The following GPR63 variants were observed in gnomAD, a reference collection of about 807,000 sequenced individuals.
GPR63 encodes probable G protein-coupled receptor 63.
Under a neutral mutation model 23.1 loss-of-function variants are expected in GPR63, and 12 were observed. The ratio of observed to expected loss-of-function variants is 0.52; its 90% CI spans 0.33 to 0.84. The LOEUF is 0.84. Ranked by LOEUF, GPR63 falls within the 40% of genes least tolerant of loss-of-function variation. The pLI is 0.02. For synonymous variants in GPR63, 172 were observed against 191.1 expected (o/e 0.90, Z 0.82); for missense variants, 472 against 515.6 (o/e 0.92, Z 0.82).
intron 1 of GPR63, among the ~76,000 whole-genome samples, chr6:96,811,988 C>T (rs989213833): frequency 4.0e-5 from 6 of 151,632 alleles, no homozygotes; most frequent in East Asian, 1.9e-4. Flanking sequence ...CTTTTTTTGT[C>T]GTTAATTCTC....
At chr6:96,807,431 A>G (rs1367686898) in intron 1 of GPR63, among the ~76,000 whole-genome samples, 1 of 152,232 alleles carries the variant, frequency 6.6e-6, no homozygotes, top group African/African-American at 2.4e-5. Flanking sequence ...CTTGGTGACG[A>G]GTGGATTACA....
chr6:96,825,617 T>C (rs1774421182), intron 1 of GPR63, among the ~76,000 whole-genome samples: 1 of 152,046 alleles, frequency 6.6e-6, no homozygotes, highest in Non-Finnish European at 1.5e-5. Flanking sequence ...TCCATTTTGG[T>C]GCCTGTTTAC....
chr6:96,812,415 T>C (rs900505163), intron 1 of GPR63, among the ~76,000 whole-genome samples: 2 of 152,170 alleles, frequency 1.3e-5, no homozygotes, highest in African/African-American at 4.8e-5. Flanking sequence ...TGCCTTCCTG[T>C]TACTTTTCCC....
intron 1 of GPR63, among the ~76,000 whole-genome samples, chr6:96,801,045 G>A (rs867797905): frequency 3.9e-5 from 6 of 152,002 alleles, no homozygotes; most frequent in African/African-American, 9.7e-5. Context: ...TTTTCCTTCC[G>A]TAGGTCTTTA....
intron 1 of GPR63, among the ~76,000 whole-genome samples, chr6:96,832,883 G>T (rs1324194827): frequency 6.6e-6 from 1 of 152,000 alleles, no homozygotes; most frequent in Non-Finnish European, 1.5e-5. Flanking sequence ...CACCAAACCT[G>T]TAAGTGGGTG....
At chr6:96,808,899 A>T (rs929390721) in intron 1 of GPR63, among the ~76,000 whole-genome samples, 3 of 151,894 alleles carry the variant, frequency 2.0e-5, no homozygotes, top group Non-Finnish European at 4.4e-5. Flanking sequence ...AGCATTAGGT[A>T]TATCTCCTAA....
intron 1 of GPR63, among the ~76,000 whole-genome samples, chr6:96,815,661 T>C (rs1815548982): frequency 6.6e-6 from 1 of 152,198 alleles, no homozygotes; most frequent in Admixed American, 6.5e-5. Flanking sequence ...GTGGTGAAGA[T>C]ATCGCAGGTG....
intron 1 of GPR63, among the ~76,000 whole-genome samples, chr6:96,817,119 T>C (rs1774184101): frequency 6.6e-6 from 1 of 152,038 alleles, no homozygotes; most frequent in Non-Finnish European, 1.5e-5. Context: ...TTTGAATATA[T>C]ATATTTAAAT....
intron 1 of GPR63, among the ~76,000 whole-genome samples, chr6:96,826,982 G>A (rs950816765): frequency 2.7e-4 from 40 of 148,552 alleles, no homozygotes; most frequent in African/African-American, 9.9e-4. Context: ...CCCTCTGGAG[G>A]AACTCACCTT....
intron 1 of GPR63, among the ~76,000 whole-genome samples, chr6:96,811,793 G>T (rs1404114182): frequency 6.0e-5 from 9 of 151,060 alleles, no homozygotes; most frequent in Non-Finnish European, 7.4e-5. Flanking sequence ...GGTGGAACCA[G>T]AAATAAAGAA....
At position 96,799,764 on chromosome 6, in the gene GPR63, T is replaced by C; in HGVS notation, c.-33A>G. The C allele has an allele frequency of 1.2e-6, 2 of 1,611,572 alleles. No individual in the cohort carries two copies. Among genetic ancestry groups the C allele is most frequent in the Admixed American group, 3.3e-5 (2 of 60,026 alleles). On this transcript the variant is annotated 5_prime_UTR_variant, in exon 2 of 2. Transcript: ENST00000229955. Reference sequence around the variant, plus strand: ...GTAGGATGGAAGATGCAAGCAGAGATGCAGGAGTTCTTCAAGCATTTCAAC... The same window carrying C: ...GTAGGATGGAAGATGCAAGCAGAGACGCAGGAGTTCTTCAAGCATTTCAAC...
intron 1 of GPR63, among the ~76,000 whole-genome samples, chr6:96,836,694 A>T (rs1180638538): frequency 6.6e-6 from 1 of 152,168 alleles, no homozygotes; most frequent in Non-Finnish European, 1.5e-5. Context: ...GACTGAAATC[A>T]GGGCGACGTT....
chr6:96,828,161 G>A (rs1445623678), intron 1 of GPR63, among the ~76,000 whole-genome samples: 1 of 152,004 alleles, frequency 6.6e-6, no homozygotes, highest in African/African-American at 2.4e-5. Context: ...CAGTTCTGGG[G>A]GCTAGAAGTC....
At chr6:96,810,731 T>G (rs1398055202) in intron 1 of GPR63, among the ~76,000 whole-genome samples, 2 of 152,188 alleles carry the variant, frequency 1.3e-5, no homozygotes, top group Non-Finnish European at 2.9e-5. Context: ...TGTTTGTGCA[T>G]ATGTACATAG....
At chr6:96,803,429 T>A (rs1773821016) in intron 1 of GPR63, among the ~76,000 whole-genome samples, 1 of 152,210 alleles carries the variant, frequency 6.6e-6, no homozygotes, top group Non-Finnish European at 1.5e-5. Context: ...ATAAAGAGTT[T>A]AACAAAGAAA....
intron 1 of GPR63, among the ~76,000 whole-genome samples, chr6:96,831,515 C>A (rs1170649604): frequency 6.6e-6 from 1 of 151,784 alleles, no homozygotes; most frequent in African/African-American, 2.4e-5. Context: ...TAATAAAGTG[C>A]CTTGAGGGCA....
chr6:96,819,974 CAA>C (rs367728329), intron 1 of GPR63, among the ~76,000 whole-genome samples: 2 of 85,348 alleles, frequency 2.3e-5, no homozygotes. Flanking sequence ...GACTCTGTCT[CAA>C]AAAAAAAAAA....
intron 1 of GPR63, among the ~76,000 whole-genome samples, chr6:96,827,333 A>T (rs879652121): frequency 2.6e-5 from 4 of 152,122 alleles, no homozygotes; most frequent in Non-Finnish European, 5.9e-5. Flanking sequence ...AACATAAGAA[A>T]TTTTTCCAAA....
intron 1 of GPR63, among the ~76,000 whole-genome samples, chr6:96,814,721 T>C (rs1774120939): frequency 6.6e-6 from 1 of 152,140 alleles, no homozygotes; most frequent in Non-Finnish European, 1.5e-5. Flanking sequence ...CCTTGAGGGT[T>C]TTATTTTTAG....
Sources: allele counts gnomAD v4.1 joint callset (sites outside exome capture counted in the v4.1 genomes callset), GRCh38; gene constraint gnomAD v4.1.1; transcripts MANE v1.5; gene names NCBI Gene and HGNC (gene_info 2026-07-23, HGNC 2026-07-21).